The following RASGRF2 variants were observed in gnomAD, a reference collection of about 807,000 sequenced individuals.
RASGRF2 encodes ras-specific guanine nucleotide-releasing factor 2.
In RASGRF2, 76 loss-of-function variants were observed where a neutral mutation model predicts 151.0. That is an observed-to-expected ratio of 0.50 (90% CI 0.42 to 0.61). RASGRF2 has a LOEUF of 0.61. Among genes scored for constraint, RASGRF2 ranks in the 20% least tolerant of loss-of-function variants. RASGRF2 has a pLI of 0.00. For missense variants in RASGRF2, 1,148 were observed against 1,564.6 expected, an observed-to-expected ratio of 0.73 and a Z score of 4.49; for synonymous variants, 504 against 566.5, an observed-to-expected ratio of 0.89 and a Z score of 1.57.
chr5:81,097,806 T>G (rs1044050529), intron 12 of RASGRF2, among the ~76,000 whole-genome samples: 1 of 151,910 alleles, frequency 6.6e-6, no homozygotes, highest in Non-Finnish European at 1.5e-5. Context: ...AGAAAGTCAA[T>G]GAGGTAACAG....
intron 1 of RASGRF2, among the ~76,000 whole-genome samples, chr5:80,971,792 C>G (rs1280163359): frequency 6.6e-6 from 1 of 152,022 alleles, no homozygotes; most frequent in Admixed American, 6.5e-5. Context: ...CTGGTCTCAA[C>G]CGCCTGGGCT....
chr5:81,228,378 C>G lies in RASGRF2; in HGVS notation c.*2608C>G, dbSNP rs2112764103. ...GAGAGGAATGCACATTTTAAAATCC[C>G]TTCAATTTGGTCAAATTAAAAATCC... On this transcript the variant is annotated 3_prime_UTR_variant, in exon 27 of 27. Coordinates refer to ENST00000265080, the MANE Select transcript of RASGRF2 (RefSeq NM_006909.3). 1 of 152,312 alleles carries G rather than the reference C, an allele frequency of 6.6e-6. No individual in the cohort carries two copies. Among genetic ancestry groups the G allele is most frequent in the South Asian group, 2.1e-4 (1 of 4,828 alleles). The allele number at this position is 152,312 out of a possible 1,614,324, so 9.4% of individuals were successfully genotyped here.
At chr5:81,139,385 T>TTTTCTTTC (rs145846253) in intron 17 of RASGRF2, among the ~76,000 whole-genome samples, 71 of 132,852 alleles carry the variant, frequency 5.3e-4, no homozygotes, top group African/African-American at 1.8e-3. Context: ...ACGCCTTTCA[T>TTTTCTTTC]TTTCTTTCTT....
chr5:81,052,916 T>G (rs34111), intron 2 of RASGRF2, among the ~76,000 whole-genome samples: 17,186 of 152,024 alleles, frequency 0.11, 1,246 homozygotes, highest in Non-Finnish European at 0.16. Flanking sequence ...ATAGGTGGAG[T>G]TTTTCTTTCT....
chr5:81,025,076 C>A (rs1306856871), intron 1 of RASGRF2, among the ~76,000 whole-genome samples: 1 of 152,160 alleles, frequency 6.6e-6, no homozygotes, highest in Non-Finnish European at 1.5e-5. Flanking sequence ...ACATGCATCT[C>A]CTCTGCCCAG....
intron 17 of RASGRF2, among the ~76,000 whole-genome samples, chr5:81,173,091 G>C (rs1393681073): frequency 1.3e-5 from 2 of 152,060 alleles, no homozygotes; most frequent in African/African-American, 4.8e-5. Context: ...GATAGAAGCA[G>C]TTAGGCCGGG....
intron 19 of RASGRF2, among the ~76,000 whole-genome samples, chr5:81,202,565 A>G (rs1182577893): frequency 6.6e-6 from 1 of 152,208 alleles, no homozygotes; most frequent in Non-Finnish European, 1.5e-5. Flanking sequence ...GGTCTCTTAC[A>G]GGTAGAATTG....
At chr5:81,224,815 A>G (rs1455625818) in intron 26 of RASGRF2, among the ~76,000 whole-genome samples, 1 of 152,236 alleles carries the variant, frequency 6.6e-6, no homozygotes, top group Non-Finnish European at 1.5e-5. Flanking sequence ...TCCCATCGAT[A>G]TGAGGTTCCA....
intron 2 of RASGRF2, among the ~76,000 whole-genome samples, chr5:81,047,505 G>A (rs944141142): frequency 1.3e-5 from 2 of 152,218 alleles, no homozygotes; most frequent in Non-Finnish European, 2.9e-5. Flanking sequence ...AGCTGAACCT[G>A]CTCAAATCTC....
intron 1 of RASGRF2, among the ~76,000 whole-genome samples, chr5:81,018,449 G>C (rs926697287): frequency 3.9e-5 from 6 of 152,148 alleles, no homozygotes; most frequent in Non-Finnish European, 7.3e-5. Flanking sequence ...TCAGGGATGG[G>C]ATACTTTACC....
rs535056552 is a variant in RASGRF2 at position 81,120,906 on chromosome 5, T to C, written c.2471-2736T>C. ...CGAAGGAAACACTCTGGGTAGAAAG[T>C]TTAGAATTAAGGCTCGGGTTGAGGT... On this transcript the variant is annotated intron_variant, in intron 15 of 26. Transcript: ENST00000265080. Among the ~76,000 whole-genome samples, 4 of 152,350 alleles carry C rather than the reference T, an allele frequency of 2.6e-5. No homozygotes were observed. In the East Asian group the frequency reaches 7.7e-4, roughly 29 times the overall value.
intron 5 of RASGRF2, among the ~76,000 whole-genome samples, chr5:81,078,962 G>T (rs1752012821): frequency 6.6e-6 from 1 of 152,174 alleles, no homozygotes; most frequent in South Asian, 2.1e-4. Flanking sequence ...ATGCCTCTCA[G>T]ACTCTGGAAG....
intron 1 of RASGRF2, among the ~76,000 whole-genome samples, chr5:81,008,182 G>A (rs539157453): frequency 5.7e-4 from 64 of 111,850 alleles, no homozygotes; most frequent in African/African-American, 1.9e-3. Context: ...ACAGAGTCTC[G>A]CTTCTTCGCC....
intron 18 of RASGRF2, among the ~76,000 whole-genome samples, chr5:81,194,757 G>A (rs181014380): frequency 1.3e-4 from 20 of 152,314 alleles, no homozygotes; most frequent in Admixed American, 3.3e-4. Flanking sequence ...GCCCCTTGCA[G>A]ATGGACGCCC....
intron 2 of RASGRF2, among the ~76,000 whole-genome samples, chr5:81,061,779 C>T (rs555854853): frequency 2.0e-4 from 31 of 151,950 alleles, no homozygotes; most frequent in East Asian, 9.7e-4. Flanking sequence ...CTTGATCTCC[C>T]GGGCTCAAGT....
intron 2 of RASGRF2, among the ~76,000 whole-genome samples, chr5:81,066,530 G>A (rs184736185): frequency 2.6e-4 from 39 of 152,228 alleles, no homozygotes; most frequent in African/African-American, 6.0e-4. Context: ...GTGTTCCAGC[G>A]TCATGAGGGC....
intron 18 of RASGRF2, among the ~76,000 whole-genome samples, chr5:81,191,902 T>C (rs1193645645): frequency 6.6e-6 from 1 of 152,162 alleles, no homozygotes; most frequent in Non-Finnish European, 1.5e-5. Context: ...ATGGGTTTTT[T>C]CCTTCTCACT....
intron 19 of RASGRF2, among the ~76,000 whole-genome samples, chr5:81,203,619 A>C (rs1755443588): frequency 1.3e-5 from 2 of 152,248 alleles, no homozygotes; most frequent in African/African-American, 2.4e-5. Context: ...CACTGAGCAG[A>C]GTCTGATTCT....
intron 18 of RASGRF2, among the ~76,000 whole-genome samples, chr5:81,193,005 G>T (rs1755183281): frequency 6.6e-6 from 1 of 152,048 alleles, no homozygotes; most frequent in South Asian, 2.1e-4. Flanking sequence ...CTTTGTTCCA[G>T]ATTTTAAAAT....
Sources: gnomAD v4.1 joint callset for allele counts (sites outside exome capture counted in the v4.1 genomes callset) on GRCh38, gnomAD v4.1.1 for gene constraint, MANE v1.5 for transcripts, NCBI Gene and HGNC (gene_info 2026-07-23, HGNC 2026-07-21) for gene names.